FHL1: variants seen among roughly 807,000 people sequenced by gnomAD.
FHL1 encodes the protein four and a half LIM domains protein 1.
A neutral mutation model predicts 20.3 loss-of-function variants in FHL1; 1 was observed. The observed-to-expected ratio is 0.05, with a 90% CI of 0.02 to 0.23. FHL1 has a LOEUF of 0.23. FHL1 is among the 10% of genes least tolerant of loss of function. The pLI, the probability that FHL1 is intolerant of heterozygous loss-of-function variation, is 1.00. For missense variants in FHL1, 177 were observed against 234.0 expected, an observed-to-expected ratio of 0.76 and a Z score of 1.59; for synonymous variants, 82 against 88.9, an observed-to-expected ratio of 0.92 and a Z score of 0.44.
intron 1 of FHL1, chrX:136,148,809 G>A (rs192163073): frequency 7.2e-4 from 81 of 112,542 alleles, no homozygotes; most frequent in Middle Eastern, 4.6e-3. Flanking sequence ...AAAGGACAAG[G>A]CTTATTAATG....
chrX:136,193,283 G>A (rs955642508), upstream of FHL1, among the ~76,000 whole-genome samples: 1 of 111,922 alleles, frequency 8.9e-6, no homozygotes, highest in Non-Finnish European at 1.9e-5. Flanking sequence ...AGCTGTGAAT[G>A]AGGAAGTCCT....
At chrX:136,209,497 G>C in intron 5 of FHL1, 1 of 1,126,391 alleles carries the variant, frequency 8.9e-7, no homozygotes, top group South Asian at 1.9e-5. Context: ...CCACTTTGAT[G>C]TCATGGCCCT....
At chrX:136,197,861 T>C (rs1379811723) in intron 1 of FHL1, among the ~76,000 whole-genome samples, 1 of 111,896 alleles carries the variant, frequency 8.9e-6, no homozygotes, top group African/African-American at 3.2e-5. Flanking sequence ...GCCCTCTGCC[T>C]AAGTAACGGT....
At chrX:136,156,881 C>T (rs2072434856) in intron 1 of FHL1, among the ~76,000 whole-genome samples, 1 of 110,586 alleles carries the variant, frequency 9.0e-6, no homozygotes, top group Non-Finnish European at 1.9e-5. Context: ...GTTTGGGAAG[C>T]TGAGTGCAAG....
intron 2 of FHL1, among the ~76,000 whole-genome samples, chrX:136,184,880 T>C (rs944383742): frequency 2.7e-5 from 3 of 111,881 alleles, no homozygotes; most frequent in African/African-American, 9.7e-5. Flanking sequence ...AACAATTCAA[T>C]AGGGAAAGCA....
At chrX:136,146,976 G>C (rs376505580), upstream of FHL1, 236 of 321,715 alleles carry the variant, frequency 7.3e-4, 2 homozygotes, top group African/African-American at 5.7e-3. Context: ...AAACGGCGTG[G>C]GCCCCGAAGC....
At chrX:136,146,751 G>A (rs757002348), upstream of FHL1, 2 of 328,125 alleles carry the variant, frequency 6.1e-6, no homozygotes, top group Admixed American at 3.1e-5. Context: ...CTTGGCACAT[G>A]GCGAGGGCTC....
intron 2 of FHL1, among the ~76,000 whole-genome samples, chrX:136,186,865 A>T (rs865902595): frequency 5.5e-3 from 56 of 10,159 alleles, no homozygotes; most frequent in South Asian, 0.077. Flanking sequence ...AAAAAAAAAA[A>T]ATATATATAT....
chrX:136,163,458 G>A (rs1194446832), intron 1 of FHL1, among the ~76,000 whole-genome samples: 1 of 112,198 alleles, frequency 8.9e-6, no homozygotes, highest in African/African-American at 3.2e-5. Flanking sequence ...TGATTCTGAT[G>A]CTAGCTATGT....
chrX:136,202,242 A>G (rs1347864746), intron 1 of FHL1, among the ~76,000 whole-genome samples: 2 of 111,254 alleles, frequency 1.8e-5, no homozygotes, highest in African/African-American at 6.5e-5. Context: ...GCATTCACCT[A>G]TAGTCCTAGC....
rs1004237166 is a variant in FHL1 at position 136,161,601 on chromosome X, A to G, written c.-100-8306A>G. 1.8e-5 allele frequency among the ~76,000 whole-genome samples: 2 copies of G among 112,139 alleles called. 1 individual carries two copies. Among genetic ancestry groups the G allele is most frequent in the East Asian group, 5.6e-4 (2 of 3,579 alleles). ...TATCCCCATAGCAGATAATGGCCAC[A>G]TGCGTGCTGATATGAAGGATTTGCT... On this transcript the variant is annotated intron_variant, in intron 1 of 7. Transcript: ENST00000394155.
chrX:136,205,378 T>A (rs781138092), intron 1 of FHL1, among the ~76,000 whole-genome samples: 3 of 111,698 alleles, frequency 2.7e-5, no homozygotes, highest in East Asian at 2.8e-4. Flanking sequence ...ATTTTAAGAT[T>A]ATAATTTTTA....
intron 1 of FHL1, among the ~76,000 whole-genome samples, chrX:136,153,816 A>G (rs999041668): frequency 3.6e-5 from 4 of 111,581 alleles, no homozygotes; most frequent in South Asian, 7.6e-4. Context: ...TCCAACTTAT[A>G]TAGTGTGTTA....
intron 2 of FHL1, among the ~76,000 whole-genome samples, chrX:136,174,473 A>G (rs1345943189): frequency 9.0e-6 from 1 of 111,651 alleles, no homozygotes; most frequent in Non-Finnish European, 1.9e-5. Flanking sequence ...GCCAGGTTAT[A>G]CCACTGCTGA....
At chrX:136,183,633 T>G (rs1365929039) in intron 2 of FHL1, among the ~76,000 whole-genome samples, 1 of 112,591 alleles carries the variant, frequency 8.9e-6, no homozygotes, top group Non-Finnish European at 1.9e-5. Flanking sequence ...CTTTATATTC[T>G]GCAGTTCATA....
intron 2 of FHL1, among the ~76,000 whole-genome samples, chrX:136,190,143 T>C (rs1377759907): frequency 1.8e-5 from 2 of 111,581 alleles, no homozygotes; most frequent in East Asian, 2.8e-4. Flanking sequence ...GGATGTGAGG[T>C]GAATGGGGTG....
chrX:136,192,256 T>C (rs189022135), upstream of FHL1, among the ~76,000 whole-genome samples: 69 of 112,195 alleles, frequency 6.2e-4, no homozygotes, highest in African/African-American at 2.2e-3. Flanking sequence ...GGTGTTTTCC[T>C]GATAGTGATT....
rs1341146002 is a variant in FHL1, at chrX:136,209,494, G to C, written c.737-377G>C. ...AAGTTTGCCTCCTGGTGGCCACTTT[G>C]ATGTCATGGCCCTGACCTAAATCAA... On this transcript the variant is annotated intron_variant, in intron 5 of 5. Transcript: ENST00000370683. The C allele has an allele frequency of 4.4e-6, 5 of 1,135,574 alleles. No homozygotes were observed. The East Asian group carries it at 1.5e-4, about 34-fold the overall frequency. The allele number at this position is 1,135,574 out of a possible 1,213,427, so 93.6% of individuals were successfully genotyped here. A position where few individuals can be genotyped will look rare whatever the true frequency, so the allele number is the denominator to read the frequency against.
chrX:136,157,590 C>T (rs1327016152), intron 1 of FHL1, among the ~76,000 whole-genome samples: 1 of 111,175 alleles, frequency 9.0e-6, no homozygotes, highest in Non-Finnish European at 1.9e-5. Flanking sequence ...TTTATCACCT[C>T]CACAAGTTTA....
Sources: allele counts gnomAD v4.1 joint callset (sites outside exome capture counted in the v4.1 genomes callset), GRCh38; gene constraint gnomAD v4.1.1; transcripts MANE v1.5; gene names NCBI Gene and HGNC (gene_info 2026-07-23, HGNC 2026-07-21).